The following EP300 variants were observed in gnomAD, a reference collection of about 807,000 sequenced individuals.
EP300 encodes the protein histone acetyltransferase p300.
In EP300, 31 loss-of-function variants were observed where a neutral mutation model predicts 264.0. The ratio of observed to expected loss-of-function variants is 0.12; its 90% CI spans 0.09 to 0.16. The LOEUF is 0.16. EP300 is among the 10% of genes least tolerant of loss of function. The pLI is 1.00. For synonymous variants in EP300, 1,340 were observed against 1,045.4 expected (o/e 1.28, Z -5.44); for missense variants, 2,766 against 3,052.9 (o/e 0.91, Z 2.21).
chr22:41,107,379 A>C (rs1006051590), intron 1 of EP300, among the ~76,000 whole-genome samples: 3 of 151,768 alleles, frequency 2.0e-5, no homozygotes, highest in Non-Finnish European at 2.9e-5. Context: ...CCTAAAGTAC[A>C]AAGGTAAGTG....
chr22:41,132,852 G>A (rs2058928408), intron 6 of EP300, among the ~76,000 whole-genome samples: 1 of 152,078 alleles, frequency 6.6e-6, no homozygotes, highest in African/African-American at 2.4e-5. Flanking sequence ...GGATATATAT[G>A]TTTCTCTGAT....
intron 2 of EP300, 67 bp from the exon 3 acceptor site, chr22:41,125,797 C>G (rs1232890208): frequency 6.6e-7 from 1 of 1,516,298 alleles, no homozygotes; most frequent in African/African-American, 1.4e-5. Context: ...GAAGTGAAAT[C>G]AGAAAAGGAA....
At chr22:41,167,560 T>TTGTGTGTGTG (rs71328777) in intron 23 of EP300, among the ~76,000 whole-genome samples, 5 of 51,094 alleles carry the variant, frequency 9.8e-5, no homozygotes, top group South Asian at 1.3e-3. Context: ...GTTTATATAT[T>TTGTGTGTGTG]TGTGTGTGTG....
intron 7 of EP300, among the ~76,000 whole-genome samples, chr22:41,136,206 G>A (rs2058949574): frequency 6.6e-6 from 1 of 152,034 alleles, no homozygotes; most frequent in African/African-American, 2.4e-5. Flanking sequence ...TTGTACTTTT[G>A]GTAGAGACAG....
intron 1 of EP300, among the ~76,000 whole-genome samples, chr22:41,096,419 A>G (rs2058702220): frequency 6.6e-6 from 1 of 152,076 alleles, no homozygotes; most frequent in South Asian, 2.1e-4. Flanking sequence ...CTGGCATATA[A>G]TTAAGTAGGG....
chr22:41,150,273 ATTCTCTTTTGCT>A, intron 14 of EP300, 75 bp downstream of exon 14: 1 of 1,472,376 alleles, frequency 6.8e-7, no homozygotes, highest in South Asian at 1.2e-5. Flanking sequence ...GGCCATTTCC[ATTCTCTTTTGCT>A]TTATCTCTTA....
Position 41,179,114 on chromosome 22 carries a change from A to C in EP300, c.*158A>C. 1.3e-6 allele frequency: 1 copy of C among 766,018 alleles called. No individual in the cohort carries two copies. The highest frequency in any genetic ancestry group is 2.1e-6 in the Non-Finnish European group (1 of 480,894). 47.5% of individuals were successfully genotyped at this position (766,018 alleles called of 1,614,324 possible). On this transcript the variant is annotated 3_prime_UTR_variant, in exon 31 of 31. Coordinates refer to ENST00000263253, the MANE Select transcript of EP300 (RefSeq NM_001429.4). ...TAGCCGTTTGTGGTTTAAAGCAAAC[A>C]TGCAAGATGAACCTGAGGGATGATA... is the stretch of plus-strand genomic sequence containing the variant.
intron 3 of EP300, among the ~76,000 whole-genome samples, chr22:41,127,116 C>T (rs565087983): frequency 4.6e-5 from 7 of 152,140 alleles, no homozygotes; most frequent in South Asian, 4.2e-4. Context: ...TTCACCAACC[C>T]GAAAGACCCC....
At chr22:41,167,536 T>TA (rs2059141230) in intron 23 of EP300, among the ~76,000 whole-genome samples, 1 of 142,778 alleles carries the variant, frequency 7.0e-6, no homozygotes, top group African/African-American at 2.6e-5. Flanking sequence ...GCAAAGTACA[T>TA]AGAGATGTTC....
At chr22:41,129,523 C>A (rs139284243) in intron 4 of EP300, among the ~76,000 whole-genome samples, 1 of 152,214 alleles carries the variant, frequency 6.6e-6, no homozygotes, top group South Asian at 2.1e-4. Flanking sequence ...CGATCTAATA[C>A]AATTTGTATG....
chr22:41,096,451 T>C (rs527423920), intron 1 of EP300, among the ~76,000 whole-genome samples: 26 of 152,256 alleles, frequency 1.7e-4, no homozygotes, highest in African/African-American at 5.3e-4. Flanking sequence ...CTGGTCTTGG[T>C]ACAGTTTTGT....
intron 6 of EP300, among the ~76,000 whole-genome samples, chr22:41,132,022 C>T (rs2058922561): frequency 6.6e-6 from 1 of 151,782 alleles, no homozygotes; most frequent in Non-Finnish European, 1.5e-5. Context: ...ATAGTGAAAC[C>T]CCGTCTCTAC....
At chr22:41,163,802 T>C (rs1220549008) in intron 21 of EP300, among the ~76,000 whole-genome samples, 1 of 151,728 alleles carries the variant, frequency 6.6e-6, no homozygotes, top group Non-Finnish European at 1.5e-5. Flanking sequence ...CCTAGCCAGG[T>C]AGCTGAGAGG....
chr22:41,146,725 CTT>C lies in EP300; in HGVS notation c.2054-9_2054-8del. Reference sequence around the variant, plus strand: ...AGATGGTGCAAAGATACTTATTTCTCTTTTTTACTCTAGATGGCCCTCTACCT... The same window carrying C: ...AGATGGTGCAAAGATACTTATTTCTCTTTTACTCTAGATGGCCCTCTACCT... On this transcript the variant is annotated splice_polypyrimidine_tract_variant and intron_variant, in intron 10 of 30. Transcript: ENST00000263253. 1 of 1,613,566 alleles carries C rather than the reference CTT, an allele frequency of 6.2e-7. No homozygotes were observed. Among genetic ancestry groups the C allele is most frequent in the Non-Finnish European group, 8.5e-7 (1 of 1,179,508 alleles).
rs199994113 is a variant in EP300, at chr22:41,176,291, C to T, written c.4824C>T (p.Ser1608=). The T allele has an allele frequency of 2.5e-6, 4 of 1,614,192 alleles. No individual in the cohort carries two copies. Among genetic ancestry groups the T allele is most frequent in the Middle Eastern group, 1.6e-4 (1 of 6,062 alleles). ...IRLIAGPAAN[S]LPPIVDPDPL... is the part of the protein sequence containing the mutation. ...TCATTGCTGGCCCTGCTGCCAACTCCCTGCCTCCCATTGTTGATCCTGATC... is the reference window on the plus strand; with the variant it reads ...TCATTGCTGGCCCTGCTGCCAACTCTCTGCCTCCCATTGTTGATCCTGATC... The change falls in exon 30 of 31, where the codon TCC becomes TCT. Residue 1608 remains serine (S), a synonymous_variant. Coordinates refer to ENST00000263253, the MANE Select transcript of EP300 (RefSeq NM_001429.4).
intron 14 of EP300, 26 bp downstream of exon 14, chr22:41,150,224 G>C (rs1236009528): frequency 6.3e-7 from 1 of 1,580,016 alleles, no homozygotes; most frequent in Non-Finnish European, 8.6e-7. Context: ...GATTTAGGCA[G>C]AATCATTAGA....
At chr22:41,129,036 A>G (rs1297935367) in intron 4 of EP300, among the ~76,000 whole-genome samples, 1 of 151,606 alleles carries the variant, frequency 6.6e-6, no homozygotes, top group African/African-American at 2.4e-5. Context: ...TTTGAGATGG[A>G]GTCTCGCTCT....
Position 41,146,799 on chromosome 22 carries a change from G to A in EP300, c.2114G>A (p.Arg705Gln), listed in dbSNP as rs201889581. Reference protein sequence around the residue: ...RGSVPNQMMPRITPQSGLNQF... With the variant: ...RGSVPNQMMPQITPQSGLNQF... ...AGTGTGCCAAACCAGATGATGCCTC[G>A]AATAACTCCACAATCTGGTAAATAG... The change falls in exon 11 of 31, where the codon CGA becomes CAA. Residue 705 changes from arginine to glutamine, a missense_variant. Transcript: ENST00000263253. 3.7e-6 allele frequency: 6 copies of A among 1,614,028 alleles called. No individual in the cohort carries two copies. The highest frequency in any genetic ancestry group is 2.2e-5 in the East Asian group (1 of 44,868).
chr22:41,125,634 A>T (rs1047671358), intron 2 of EP300, among the ~76,000 whole-genome samples: 1 of 152,156 alleles, frequency 6.6e-6, no homozygotes, highest in Non-Finnish European at 1.5e-5. Context: ...ATCCCACTTT[A>T]GCCTTCCAAT....
Sources: allele counts gnomAD v4.1 joint callset (sites outside exome capture counted in the v4.1 genomes callset), GRCh38; gene constraint gnomAD v4.1.1; transcripts MANE v1.5; gene names NCBI Gene and HGNC (gene_info 2026-07-23, HGNC 2026-07-21).